Variants in GHR observed in about 807,000 individuals in gnomAD.
The protein encoded by GHR is growth hormone receptor.
A neutral mutation model predicts 67.1 loss-of-function variants in GHR; 35 were observed. The ratio of observed to expected loss-of-function variants is 0.52; its 90% confidence interval spans 0.40 to 0.69. The LOEUF is 0.69. GHR is among the 30% of genes least tolerant of loss of function. GHR has a pLI of 0.00. For synonymous variants in GHR, 272 were observed against 269.1 expected (o/e 1.01, Z -0.10); for missense variants, 792 against 764.6 (o/e 1.04, Z -0.42).
intron 1 of GHR, among the ~76,000 whole-genome samples, chr5:42,492,313 A>G (rs1746149050): frequency 6.6e-6 from 1 of 152,236 alleles, no homozygotes; most frequent in Non-Finnish European, 1.5e-5. Context: ...ATTAGGAAAG[A>G]GATAAATAAA....
intron 1 of GHR, among the ~76,000 whole-genome samples, chr5:42,500,252 G>C (rs1439378790): frequency 6.6e-6 from 1 of 152,308 alleles, no homozygotes; most frequent in East Asian, 1.9e-4. Context: ...GAAGTTATCA[G>C]TGTTACATGA....
intron 1 of GHR, among the ~76,000 whole-genome samples, chr5:42,562,437 C>T (rs1157725794): frequency 1.3e-5 from 2 of 152,104 alleles, no homozygotes; most frequent in Admixed American, 6.6e-5. Flanking sequence ...TAGTTAGAGT[C>T]GGGTCCCTAT....
At chr5:42,652,273 A>C (rs911489560) in intron 3 of GHR, among the ~76,000 whole-genome samples, 1 of 120,474 alleles carries the variant, frequency 8.3e-6, no homozygotes. Flanking sequence ...AAACTGCTAC[A>C]GTGTAGATTT....
intron 1 of GHR, among the ~76,000 whole-genome samples, chr5:42,457,916 G>C (rs1744328298): frequency 6.6e-6 from 1 of 152,152 alleles, no homozygotes; most frequent in Non-Finnish European, 1.5e-5. Flanking sequence ...CTCTGCCTCA[G>C]TTTCTTTGTT....
intron 1 of GHR, among the ~76,000 whole-genome samples, chr5:42,553,207 G>A (rs1749127984): frequency 6.6e-6 from 1 of 152,178 alleles, no homozygotes; most frequent in Non-Finnish European, 1.5e-5. Flanking sequence ...GGCACACCAT[G>A]GCCCAACTGG....
In GHR at chr5:42,634,521, G is replaced by GCACACACACACACACACA. The variant is rs10684580; in HGVS notation, c.136+5424_136+5441dup. ...ATTTCACGGATGGTTATTGAATTTT[G>GCACACACACACACACACA]CACACACACACACACACACACACTG... On this transcript the variant is annotated intron_variant, in intron 3 of 9. Coordinates refer to ENST00000230882, the MANE Select transcript of GHR (RefSeq NM_000163.5). 1.1e-3 allele frequency among the ~76,000 whole-genome samples: 163 copies of GCACACACACACACACACA among 148,924 alleles called. 1 individual carries two copies. Among genetic ancestry groups the GCACACACACACACACACA allele is most frequent in the African/African-American group, 3.9e-3 (158 of 40,596 alleles).
At chr5:42,536,727 T>G (rs764306132) in intron 1 of GHR, among the ~76,000 whole-genome samples, 1 of 152,154 alleles carries the variant, frequency 6.6e-6, no homozygotes, top group Non-Finnish European at 1.5e-5. Flanking sequence ...TGGAATAGCA[T>G]CAAAAGGATT....
chr5:42,669,336 A>G (rs909853834), intron 3 of GHR, among the ~76,000 whole-genome samples: 15 of 152,250 alleles, frequency 9.9e-5, no homozygotes, highest in Non-Finnish European at 2.9e-5. Context: ...ATGAAATTAC[A>G]TGCAAAAGTA....
In GHR at chr5:42,719,914, A is replaced by G. The variant is rs1330944872; in HGVS notation, c.*490A>G. The G allele has an allele frequency of 5.3e-6, 1 of 187,894 alleles. No homozygotes were observed. The highest frequency in any genetic ancestry group is 2.4e-5 in the African/African-American group (1 of 41,672). 11.6% of individuals were successfully genotyped at this position (187,894 alleles called of 1,614,324 possible). ...AAATTTAAACTATAAGCAAGAAGGC[A>G]AAAATAGTTTGGATATGTAAAACAT... On this transcript the variant is annotated 3_prime_UTR_variant, in exon 10 of 10. Coordinates refer to ENST00000230882, the MANE Select transcript of GHR (RefSeq NM_000163.5).
At chr5:42,475,601 C>A (rs1361058514) in intron 1 of GHR, among the ~76,000 whole-genome samples, 1 of 131,088 alleles carries the variant, frequency 7.6e-6, no homozygotes, top group South Asian at 2.4e-4. Flanking sequence ...TTTTTTTTTT[C>A]TTAAAAAGGA....
intron 3 of GHR, among the ~76,000 whole-genome samples, chr5:42,629,574 G>A (rs1753851716): frequency 7.6e-6 from 1 of 132,298 alleles, no homozygotes; most frequent in African/African-American, 3.2e-5. Context: ...ACAGCCTGCA[G>A]AACTGTGAGC....
chr5:42,584,045 C>A (rs192424072), intron 2 of GHR, among the ~76,000 whole-genome samples: 2 of 151,946 alleles, frequency 1.3e-5, no homozygotes, highest in East Asian at 3.9e-4. Context: ...CCAGGAGACA[C>A]TGAAGTTAAG....
At chr5:42,459,660 A>T (rs1375118201) in intron 1 of GHR, among the ~76,000 whole-genome samples, 3 of 149,818 alleles carry the variant, frequency 2.0e-5, no homozygotes, top group Admixed American at 2.0e-4. Context: ...CCCCGAACTT[A>T]AAAGTTAAAA....
At chr5:42,675,471 G>C (rs1756526035) in intron 3 of GHR, among the ~76,000 whole-genome samples, 1 of 152,180 alleles carries the variant, frequency 6.6e-6, no homozygotes, top group African/African-American at 2.4e-5. Flanking sequence ...AAATAAGACA[G>C]AGGAGTGTAT....
chr5:42,423,803 A>AGCG lies in GHR; in HGVS notation c.-162_-161insGGC, dbSNP rs1561294806. 10 of 164,382 alleles carry AGCG rather than the reference A, an allele frequency of 6.1e-5. No homozygotes were observed. Among genetic ancestry groups the AGCG allele is most frequent in the Non-Finnish European group, 1.2e-4 (9 of 77,936 alleles). The allele number at this position is 164,382 out of a possible 1,614,324, so 10.2% of individuals were successfully genotyped here. The stretch of plus-strand genomic sequence containing the variant: ...CGGCGGCGGCGGCAGCGGCAGCAGC[A>AGCG]GCTGCTACAGTGGCGGTGGCGGCGG... On this transcript the variant is annotated 5_prime_UTR_variant, in exon 1 of 10. Coordinates refer to ENST00000230882, the MANE Select transcript of GHR (RefSeq NM_000163.5).
At chr5:42,643,426 A>G (rs992619725) in intron 3 of GHR, among the ~76,000 whole-genome samples, 5 of 152,228 alleles carry the variant, frequency 3.3e-5, no homozygotes, top group African/African-American at 1.2e-4. Context: ...TAATGACTAA[A>G]GGAATACATG....
chr5:42,432,304 T>A (rs1208818831), intron 1 of GHR, among the ~76,000 whole-genome samples: 1 of 152,156 alleles, frequency 6.6e-6, no homozygotes, highest in Non-Finnish European at 1.5e-5. Context: ...GAAAGTAGAG[T>A]GTTATCATTA....
Position 42,662,045 on chromosome 5 carries a change from G to A in GHR, c.137-26845G>A, listed in dbSNP as rs533948941. ...AATGGTAAAGGGATCAATTCAACAA[G>A]AAGAGCTAACTATCCTAAATATATA... On this transcript the variant is annotated intron_variant, in intron 3 of 9. Transcript: ENST00000230882. Among the ~76,000 whole-genome samples, 818 of 152,312 alleles carry A rather than the reference G, an allele frequency of 5.4e-3. 8 individuals carry two copies. Among genetic ancestry groups the A allele is most frequent in the South Asian group, 0.023 (110 of 4,828 alleles).
At chr5:42,636,539 A>G (rs1480865302) in intron 3 of GHR, among the ~76,000 whole-genome samples, 1 of 152,194 alleles carries the variant, frequency 6.6e-6, no homozygotes, top group African/African-American at 2.4e-5. Context: ...AACCAACTCT[A>G]ATCACTGCTC....
Sources: gnomAD v4.1 joint callset for allele counts (sites outside exome capture counted in the v4.1 genomes callset) on GRCh38, gnomAD v4.1.1 for gene constraint, MANE v1.5 for transcripts, NCBI Gene and HGNC (gene_info 2026-07-23, HGNC 2026-07-21) for gene names.